Variants in DLG2 observed in about 807,000 individuals in gnomAD.
The protein encoded by DLG2 is disks large homolog 2.
Under a neutral mutation model 132.5 loss-of-function variants are expected in DLG2, and 45 were observed. The ratio of observed to expected loss-of-function variants is 0.34; its 90% confidence interval spans 0.27 to 0.44. The LOEUF (loss-of-function observed/expected upper bound fraction) is 0.44. DLG2 is among the 20% of genes least tolerant of loss of function. DLG2 has a pLI of 1.00. For synonymous variants in DLG2, 424 were observed against 419.6 expected (o/e 1.01, Z -0.13); for missense variants, 1,045 against 1,196.9 (o/e 0.87, Z 1.87).
intron 6 of DLG2, among the ~76,000 whole-genome samples, chr11:84,630,234 G>A (rs538938329): frequency 6.6e-6 from 1 of 152,268 alleles, no homozygotes; most frequent in South Asian, 2.1e-4. Flanking sequence ...CTAGGGTAGG[G>A]GAAAGACTGC....
intron 3 of DLG2, among the ~76,000 whole-genome samples, chr11:85,505,956 A>T (rs533765294): frequency 1.1e-3 from 167 of 152,256 alleles, no homozygotes; most frequent in Non-Finnish European, 1.8e-3. Context: ...GGGAGGGTGT[A>T]TGTGTCCAGG....
chr11:85,444,914 T>C (rs1333022802), intron 3 of DLG2, among the ~76,000 whole-genome samples: 1 of 152,206 alleles, frequency 6.6e-6, no homozygotes, highest in African/African-American at 2.4e-5. Context: ...GCCAGAACCA[T>C]TGCTGAGAAG....
intron 21 of DLG2, among the ~76,000 whole-genome samples, chr11:83,496,285 A>G (rs972511925): frequency 1.1e-4 from 16 of 151,934 alleles, no homozygotes; most frequent in Non-Finnish European, 2.4e-4. Context: ...GATACCCACC[A>G]GAGTAGCTAA....
chr11:84,861,618 C>CAAAAAAAAAAAAAAAAAAAAAAAAAA lies in DLG2; in HGVS notation c.357+250042_357+250043insTTTTTTTTTTTTTTTTTTTTTTTTTT, dbSNP rs1177657034. Reference sequence around the variant, plus strand: ...ATTAAACTAAAGAGCTTCTACACAGCAAAAAAAAAAAAAAAAAAAAACAAA... The same window carrying CAAAAAAAAAAAAAAAAAAAAAAAAAA: ...ATTAAACTAAAGAGCTTCTACACAGCAAAAAAAAAAAAAAAAAAAAAAAAAAAAAAAAAAAAAAAAAAAAAAACAAA... On this transcript the variant is annotated intron_variant, in intron 6 of 27. Transcript: ENST00000376104. Among the ~76,000 whole-genome samples the CAAAAAAAAAAAAAAAAAAAAAAAAAA allele has an allele frequency of 2.2e-4, 8 of 35,832 alleles. 1 individual carries two copies. Among genetic ancestry groups the CAAAAAAAAAAAAAAAAAAAAAAAAAA allele is most frequent in the African/African-American group, 9.0e-4 (7 of 7,788 alleles). The allele number at this position is 35,832 out of a possible 152,430, so 23.5% of individuals were successfully genotyped here. A position where few individuals can be genotyped will look rare whatever the true frequency, so the allele number is the denominator to read the frequency against.
At chr11:85,320,681 A>G (rs1405142456) in intron 3 of DLG2, among the ~76,000 whole-genome samples, 1 of 151,952 alleles carries the variant, frequency 6.6e-6, no homozygotes, top group East Asian at 1.9e-4. Flanking sequence ...TGAAAAGTAG[A>G]CAGACACTTG....
At chr11:84,810,977 C>T (rs940947859) in intron 6 of DLG2, among the ~76,000 whole-genome samples, 1 of 151,964 alleles carries the variant, frequency 6.6e-6, no homozygotes, top group African/African-American at 2.4e-5. Context: ...CATGTGGGGT[C>T]CTTGTGATAA....
At chr11:85,226,661 T>A (rs2074998182) in intron 4 of DLG2, among the ~76,000 whole-genome samples, 1 of 152,146 alleles carries the variant, frequency 6.6e-6, no homozygotes, top group Non-Finnish European at 1.5e-5. Context: ...GTTATTAAAA[T>A]AATCAACTAG....
chr11:83,799,760 G>T (rs1253029762), intron 17 of DLG2, among the ~76,000 whole-genome samples: 3 of 152,164 alleles, frequency 2.0e-5, no homozygotes, highest in Non-Finnish European at 4.4e-5. Context: ...TTTTGTTTTA[G>T]ACATGTTGAC....
At chr11:83,461,786 C>A (rs141188760) in intron 27 of DLG2, 1 of 510,190 alleles carries the variant, frequency 2.0e-6, no homozygotes, top group Admixed American at 3.2e-5. Flanking sequence ...CTGGTGGGAA[C>A]CTGGGAGCTG....
intron 9 of DLG2, among the ~76,000 whole-genome samples, chr11:84,104,159 A>G (rs1191468313): frequency 6.6e-6 from 1 of 152,152 alleles, no homozygotes; most frequent in African/African-American, 2.4e-5. Flanking sequence ...TTTCAATAAT[A>G]AAGACATGGA....
intron 3 of DLG2, among the ~76,000 whole-genome samples, chr11:85,540,317 C>T (rs2075881661): frequency 6.6e-6 from 1 of 152,232 alleles, no homozygotes; most frequent in South Asian, 2.1e-4. Flanking sequence ...GGCACAGACA[C>T]ACGAGCAGCT....
At chr11:85,433,044 C>T (rs988145617) in intron 3 of DLG2, among the ~76,000 whole-genome samples, 9 of 152,096 alleles carry the variant, frequency 5.9e-5, no homozygotes. Context: ...ATTTTTAACC[C>T]AGAATTTCAT....
At chr11:84,502,318 C>CTTTCT (rs2099217476) in intron 7 of DLG2, among the ~76,000 whole-genome samples, 1 of 9,200 alleles carries the variant, frequency 1.1e-4, no homozygotes, top group Non-Finnish European at 2.0e-4. Context: ...TTCTTTCTTT[C>CTTTCT]TTTCTTTCTT....
intron 4 of DLG2, among the ~76,000 whole-genome samples, chr11:85,207,924 A>G (rs2082009779): frequency 6.6e-6 from 1 of 151,396 alleles, no homozygotes; most frequent in South Asian, 2.1e-4. Flanking sequence ...ATCCTTCAAA[A>G]CCCATTTCAA....
At chr11:84,776,129 T>A (rs1295700050) in intron 6 of DLG2, among the ~76,000 whole-genome samples, 2 of 152,164 alleles carry the variant, frequency 1.3e-5, no homozygotes, top group Non-Finnish European at 2.9e-5. Context: ...GAGGTACACC[T>A]TTTTAGGCAT....
rs557075110 is a variant in DLG2, at chr11:84,357,143, C to T, written c.520-105852G>A. Among the ~76,000 whole-genome samples, 70 of 152,070 alleles carry T rather than the reference C, an allele frequency of 4.6e-4. 1 individual carries two copies. Among genetic ancestry groups the T allele is most frequent in the African/African-American group, 1.4e-3 (60 of 41,502 alleles). On this transcript the variant is annotated intron_variant, in intron 7 of 27. Coordinates refer to ENST00000376104, the MANE Select transcript of DLG2 (RefSeq NM_001142699.3). Reference sequence around the variant, plus strand: ...AGAAAGCCACCAAAGGGCTATGAGCCGAGACAGCACAGTCTGGATGTCTTC... The same window carrying T: ...AGAAAGCCACCAAAGGGCTATGAGCTGAGACAGCACAGTCTGGATGTCTTC...
chr11:85,014,820 C>G (rs145059549), intron 6 of DLG2, among the ~76,000 whole-genome samples: 178 of 152,270 alleles, frequency 1.2e-3, no homozygotes, highest in African/African-American at 4.1e-3. Context: ...CCTTATGCCT[C>G]TGGAGAAAAT....
chr11:84,116,158 T>C (rs985533820), intron 9 of DLG2, among the ~76,000 whole-genome samples: 41 of 152,190 alleles, frequency 2.7e-4, no homozygotes, highest in Non-Finnish European at 4.4e-5. Context: ...GATCCTGGAC[T>C]TTATTTATTA....
intron 19 of DLG2, among the ~76,000 whole-genome samples, chr11:83,581,424 T>A (rs1251952502): frequency 6.6e-6 from 1 of 152,176 alleles, no homozygotes; most frequent in Admixed American, 6.5e-5. Context: ...ATAAGCAAGA[T>A]GCTCTGTTTT....
Sources: gnomAD v4.1 joint callset for allele counts (sites outside exome capture counted in the v4.1 genomes callset) on GRCh38, gnomAD v4.1.1 for gene constraint, MANE v1.5 for transcripts, NCBI Gene and HGNC (gene_info 2026-07-23, HGNC 2026-07-21) for gene names.